The following IFI27L2 variants were observed in gnomAD, a reference collection of about 807,000 sequenced individuals.
IFI27L2 encodes interferon alpha-inducible protein 27-like protein 2.
In IFI27L2, 8 loss-of-function variants were observed where a neutral mutation model predicts 7.9. That is an observed-to-expected ratio of 1.02 (90% confidence interval 0.60 to 1.84). IFI27L2 has a LOEUF of 1.84. Ranked by LOEUF, IFI27L2 falls within the 40% of genes most tolerant of loss-of-function variation. IFI27L2 has a pLI of 0.00. For synonymous variants in IFI27L2, 56 were observed against 66.5 expected (o/e 0.84, Z 0.77); for missense variants, 190 against 165.8 (o/e 1.15, Z -0.80).
intron 2 of IFI27L2, 87 bp downstream of exon 2, chr14:94,129,175 A>C (rs1466163494): frequency 3.7e-6 from 4 of 1,070,126 alleles, no homozygotes; most frequent in Non-Finnish European, 4.2e-6. Context: ...GGTGAGAGCC[A>C]GCCCAGCGCC....
intron 1 of IFI27L2, 118 bp downstream of exon 1, chr14:94,129,437 CAGT>C: frequency 3.6e-6 from 4 of 1,117,152 alleles, no homozygotes; most frequent in Non-Finnish European, 5.4e-6. Context: ...GAGAGGGAGT[CAGT>C]AGGTCAGCTG....
At position 94,129,541 on chromosome 14, in the gene IFI27L2, G is replaced by A. The variant is rs753873363; in HGVS notation, c.7+17C>T. On this transcript the variant is annotated intron_variant, in intron 1 of 3. Coordinates refer to ENST00000238609, the MANE Select transcript of IFI27L2 (RefSeq NM_032036.3). ...CCCCAGCCCAGCCCGCCAGCCCCCT[G>A]GGGAAGCAAGACTCACTCATCATGG... 2.5e-6 allele frequency: 4 copies of A among 1,612,728 alleles called. No homozygotes were observed. The Admixed American group carries it at 6.7e-5, about 27-fold the overall frequency.
At chr14:94,128,933 T>A in intron 2 of IFI27L2, 1 of 584,964 alleles carries the variant, frequency 1.7e-6, no homozygotes, top group Admixed American at 3.0e-5. Flanking sequence ...ATACCCTTCA[T>A]TGGTCTCAAA....
rs147477850 is a variant in IFI27L2 at position 94,129,448 on chromosome 14, C to T, written c.7+110G>A. 9.4e-4 allele frequency: 1,130 copies of T among 1,197,714 alleles called. 10 individuals are homozygous for T. In the African/African-American group the frequency reaches 0.016, roughly 16 times the overall value. The allele number at this position is 1,197,714 out of a possible 1,614,324, so 74.2% of individuals were successfully genotyped here. On this transcript the variant is annotated intron_variant, in intron 1 of 3. Transcript: ENST00000238609. ...GAGGGAGAGGGAGTCAGTAGGTCAG[C>T]TGGTTGATGAAGTCAGGGAATGAAG...
rs779353746 is a variant in IFI27L2 at position 94,128,531 on chromosome 14, G to A, written c.182C>T (p.Ala61Val). Residue 61 changes from alanine to valine, a missense_variant, in exon 3 of 4, where the codon GCT becomes GTT. Ala to Val is a moderately conservative substitution (Grantham distance 64). Transcript: ENST00000238609. ...GGGVSAGSLV[A>V]TLQSVGAAGL... ...ACACTTACCCACGGACTGCAGAGTAGCCACCAGGCTCCCCGCAGAAACACC... is the reference window on the plus strand; with the variant it reads ...ACACTTACCCACGGACTGCAGAGTAACCACCAGGCTCCCCGCAGAAACACC... 1 of 1,614,168 alleles carries A rather than the reference G, an allele frequency of 6.2e-7. No individual in the cohort carries two copies. Among genetic ancestry groups the A allele is most frequent in the East Asian group, 2.2e-5 (1 of 44,890 alleles).
In IFI27L2 at chr14:94,127,813, T is replaced by C; in HGVS notation, c.379A>G (p.Lys127Glu). 3 of 1,613,790 alleles carry C rather than the reference T, an allele frequency of 1.9e-6. No individual in the cohort carries two copies. Among genetic ancestry groups the C allele is most frequent in the Non-Finnish European group, 2.5e-6 (3 of 1,179,674 alleles). The part of the protein sequence containing the change: ...EPPKPPLKSE[K>E]HEE ...GCATGTGACCTTTATTCCTCATGTT[T>C]CTCTGACTTGAGTGGGGGTTTTGGA... The change falls in exon 4 of 4, where the codon AAA (lysine) becomes GAA (glutamate). Residue 127 changes from lysine (K) to glutamate (E), a missense_variant. By Grantham distance (56) the Lys-to-Glu change is moderately conservative. Coordinates refer to ENST00000238609, the MANE Select transcript of IFI27L2 (RefSeq NM_032036.3).
chr14:94,128,553 C>T lies in IFI27L2; in HGVS notation c.160G>A (p.Val54Ile), dbSNP rs1488689036. 15 of 1,614,086 alleles carry T rather than the reference C, an allele frequency of 9.3e-6. No individual in the cohort carries two copies. Among genetic ancestry groups the T allele is most frequent in the Admixed American group, 5.0e-5 (3 of 60,008 alleles). The change falls in exon 3 of 4, where the codon GTT (valine) becomes ATT (isoleucine). Residue 54 changes from valine to isoleucine, a missense_variant. Val to Ile is a conservative substitution (Grantham distance 29). Transcript: ENST00000238609. ...SAAAIANGGG[V>I]SAGSLVATLQ... ...GTAGCCACCAGGCTCCCCGCAGAAA[C>T]ACCACCCCCGTTGGCAATGGCTGCT...
intron 2 of IFI27L2, 42 bp downstream of exon 2, chr14:94,129,220 G>A: frequency 6.4e-7 from 1 of 1,568,496 alleles, no homozygotes; most frequent in South Asian, 1.1e-5. Flanking sequence ...CCGGGGACCA[G>A]GCTAGGTGAG....
At chr14:94,128,026 G>A (rs780342254) in intron 3 of IFI27L2, 34 bp from the exon 4 acceptor site, 18 of 1,492,820 alleles carry the variant, frequency 1.2e-5, no homozygotes, top group South Asian at 1.1e-4. Flanking sequence ...CACAGGGGTC[G>A]GGCAGTGGCC....
At chr14:94,128,996 A>T (rs1887636646) in intron 2 of IFI27L2, 1 of 573,724 alleles carries the variant, frequency 1.7e-6, no homozygotes. Context: ...AATGTGAAAT[A>T]AGCCACGTGG....
intron 3 of IFI27L2, 136 bp from the exon 4 acceptor site, chr14:94,128,128 CA>C (rs1887618604): frequency 1.6e-6 from 1 of 628,308 alleles, no homozygotes; most frequent in African/African-American, 1.8e-5. Context: ...AAAGACAGCT[CA>C]GGGGTGAATT....
At position 94,128,583 on chromosome 14, in the gene IFI27L2, A is replaced by T. The variant is rs1180892404; in HGVS notation, c.130T>A (p.Ser44Thr). ...AASSIAAKMM[S>T]AAAIANGGGV... ...CCCCCGTTGGCAATGGCTGCTGCGG[A>T]CATCATCTTGGCTGCTATGGAGGAC... Residue 44 changes from serine to threonine, a missense_variant, in exon 3 of 4, where the codon TCC (serine) becomes ACC (threonine). By Grantham distance (58) the Ser-to-Thr change is moderately conservative. Transcript: ENST00000238609. 7 of 1,614,046 alleles carry T rather than the reference A, an allele frequency of 4.3e-6. No homozygotes were observed. The highest frequency in any genetic ancestry group is 5.9e-6 in the Non-Finnish European group (7 of 1,180,004).
intron 2 of IFI27L2, chr14:94,128,998 G>A (rs1887636695): frequency 1.7e-6 from 1 of 573,724 alleles, no homozygotes; most frequent in Non-Finnish European, 3.1e-6. Context: ...TGTGAAATAA[G>A]CCACGTGGAG....
rs748876790 is a variant in IFI27L2, at chr14:94,129,597, G to A, written c.-33C>T. The A allele has an allele frequency of 3.1e-6, 5 of 1,612,302 alleles. No homozygotes were observed. The highest frequency in any genetic ancestry group is 1.3e-5 in the African/African-American group (1 of 74,872). ...CCGTCCGGGTCCCAACTTGGCCCAG[G>A]AAATGACAGCGTTCTTGGGGTGTTA... On this transcript the variant is annotated 5_prime_UTR_variant, in exon 1 of 4. Transcript: ENST00000238609.
chr14:94,129,271 C>A lies in IFI27L2; in HGVS notation c.28G>T (p.Val10Leu). Reference protein sequence around the residue: MMKRAAAAAVGGALAVGAVP... With the variant: MMKRAAAAALGGALAVGAVP... ...GATCCGGGTAACTTACCTCCTCCCA[C>A]TGCAGCAGCAGCTGCCCGTTCTAGA... Residue 10 changes from valine to leucine, a missense_variant, in exon 2 of 4, where the codon GTG becomes TTG. Physicochemically the swap from Val to Leu is conservative, Grantham distance 32 (BLOSUM62 1). Transcript: ENST00000238609. 6.2e-7 allele frequency: 1 copy of A among 1,612,970 alleles called. No individual in the cohort carries two copies. The highest frequency in any genetic ancestry group is 1.3e-5 in the African/African-American group (1 of 74,874).
chr14:94,128,815 T>C (rs1887632716), intron 2 of IFI27L2, 140 bp from the exon 3 acceptor site: 2 of 678,234 alleles, frequency 2.9e-6, no homozygotes, highest in East Asian at 2.7e-5. Context: ...AGTGGTCTTC[T>C]GGTGAAGAAA....
chr14:94,128,007 G>A lies in IFI27L2; in HGVS notation c.200-15C>T. 1.9e-6 allele frequency: 3 copies of A among 1,593,870 alleles called. No homozygotes were observed. The highest frequency in any genetic ancestry group is 4.1e-4 in the Middle Eastern group (2 of 4,830). On this transcript the variant is annotated splice_polypyrimidine_tract_variant and intron_variant, in intron 3 of 3. Coordinates refer to ENST00000238609, the MANE Select transcript of IFI27L2 (RefSeq NM_032036.3). ...TCCAGCTGCCCCTGTGGAGGAGACA[G>A]AGAATGAGCACAGGGGTCGGGCAGT...
At position 94,129,502 on chromosome 14, in the gene IFI27L2, T is replaced by C. The variant is rs564915728; in HGVS notation, c.7+56A>G. ...TTCCCTGTCCCTTCCTGGGCTGGGG[T>C]TGGGGAAGCCTGCCCCCAGCCCAGC... On this transcript the variant is annotated intron_variant, in intron 1 of 3. Transcript: ENST00000238609. 1.3e-3 allele frequency: 2,071 copies of C among 1,544,008 alleles called. 17 individuals carry two copies. In the African/African-American group the frequency reaches 0.022, roughly 16 times the overall value.
intron 1 of IFI27L2, 62 bp from the exon 2 acceptor site, chr14:94,129,353 A>C: frequency 8.1e-7 from 1 of 1,231,866 alleles, no homozygotes; most frequent in Non-Finnish European, 1.2e-6. Context: ...GAGGAGAGAG[A>C]AGGGCAGAAA....
Sources: gnomAD v4.1 joint callset for allele counts on GRCh38, gnomAD v4.1.1 for gene constraint, MANE v1.5 for transcripts, NCBI Gene and HGNC (gene_info 2026-07-23, HGNC 2026-07-21) for gene names.